The following ZNF536 variants were observed in gnomAD, a reference collection of about 807,000 sequenced individuals.
ZNF536 encodes zinc finger protein 536.
A neutral mutation model predicts 84.5 loss-of-function variants in ZNF536; 13 were observed. The observed-to-expected ratio is 0.15, with a 90% CI of 0.10 to 0.24. The LOEUF (loss-of-function observed/expected upper bound fraction) is 0.24. ZNF536 is among the 10% of genes least tolerant of loss of function. The pLI, the probability that ZNF536 is intolerant of heterozygous loss-of-function variation, is 1.00. For synonymous variants in ZNF536, 811 were observed against 742.5 expected, an observed-to-expected ratio of 1.09 and a Z score of -1.50; for missense variants, 1,536 against 1,747.5, an observed-to-expected ratio of 0.88 and a Z score of 2.16.
chr19:30,654,170 A>C (rs2147488815), intron 1 of ZNF536, among the ~76,000 whole-genome samples: 1 of 152,316 alleles, frequency 6.6e-6, no homozygotes, highest in East Asian at 1.9e-4. Flanking sequence ...ACCTGGCAGC[A>C]GGTGTGAGCC....
intron 1 of ZNF536, among the ~76,000 whole-genome samples, chr19:30,700,548 T>C (rs1568685228): frequency 6.6e-6 from 1 of 152,060 alleles, no homozygotes; most frequent in Admixed American, 6.6e-5. Context: ...CCACCATACC[T>C]GGCTCATTTT....
chr19:30,429,265 A>G (rs1049392063), intron 1 of ZNF536, among the ~76,000 whole-genome samples: 16 of 152,152 alleles, frequency 1.1e-4, no homozygotes, highest in African/African-American at 3.4e-4. Context: ...TGCTCTTGGC[A>G]CTTGGGAATG....
chr19:30,701,292 C>A (rs2147998207), intron 1 of ZNF536, among the ~76,000 whole-genome samples: 1 of 151,402 alleles, frequency 6.6e-6, no homozygotes, highest in South Asian at 2.1e-4. Flanking sequence ...CAAACACAAA[C>A]ACACATACAC....
chr19:30,374,128 C>A (rs1310299910), intron 1 of ZNF536, among the ~76,000 whole-genome samples: 1 of 152,094 alleles, frequency 6.6e-6, no homozygotes, highest in Non-Finnish European at 1.5e-5. Context: ...AATAATATTT[C>A]TGCTTAAATA....
intron 2 of ZNF536, among the ~76,000 whole-genome samples, chr19:30,513,610 T>C (rs182083128): frequency 1.3e-5 from 2 of 152,282 alleles, no homozygotes; most frequent in East Asian, 3.9e-4. Flanking sequence ...ACAAGGCATC[T>C]AATATCAGAA....
At chr19:30,480,576 G>A (rs557177274) in intron 2 of ZNF536, among the ~76,000 whole-genome samples, 23 of 152,164 alleles carry the variant, frequency 1.5e-4, no homozygotes, top group Middle Eastern at 3.4e-3. Context: ...GAGGGAGAGC[G>A]TTAGGACAAA....
At chr19:30,568,732 C>T (rs966976572) in intron 1 of ZNF536, among the ~76,000 whole-genome samples, 1 of 152,136 alleles carries the variant, frequency 6.6e-6, no homozygotes, top group African/African-American at 2.4e-5. Flanking sequence ...CTGGGGCAGC[C>T]GAGATGACAG....
At chr19:30,329,647 G>C (rs1262156491) in intron 2 of ZNF536, among the ~76,000 whole-genome samples, 3 of 152,180 alleles carry the variant, frequency 2.0e-5, no homozygotes, top group Non-Finnish European at 4.4e-5. Context: ...GGAAAGCCCA[G>C]GCGTGATACA....
At chr19:30,670,230 A>G (rs1448780544) in intron 1 of ZNF536, among the ~76,000 whole-genome samples, 1 of 152,114 alleles carries the variant, frequency 6.6e-6, no homozygotes, top group Non-Finnish European at 1.5e-5. Flanking sequence ...GCCCAGCCTC[A>G]GGCTTCCTCT....
intron 1 of ZNF536, among the ~76,000 whole-genome samples, chr19:30,608,145 G>C (rs1331143974): frequency 6.6e-6 from 1 of 152,128 alleles, no homozygotes; most frequent in South Asian, 2.1e-4. Context: ...GAATGGATTT[G>C]TTTGGAACAA....
At chr19:30,304,799 C>T (rs546579236) in intron 2 of ZNF536, among the ~76,000 whole-genome samples, 1 of 152,184 alleles carries the variant, frequency 6.6e-6, no homozygotes, top group African/African-American at 2.4e-5. Context: ...AGCCTGCAGG[C>T]TCTTAGCCGC....
chr19:30,605,158 G>A (rs1003708073), intron 1 of ZNF536, among the ~76,000 whole-genome samples: 2 of 152,162 alleles, frequency 1.3e-5, no homozygotes, highest in African/African-American at 2.4e-5. Context: ...AGTGGATGGT[G>A]CGAAATGCTT....
rs1228793956 is a variant in ZNF536, at chr19:30,647,434, T to C, written c.170-63323T>C. 5.9e-5 allele frequency among the ~76,000 whole-genome samples: 9 copies of C among 152,314 alleles called. No homozygotes were observed. The South Asian group carries it at 1.9e-3, about 32-fold the overall frequency. On this transcript the variant is annotated intron_variant, in intron 1 of 1. Coordinates refer to the ZNF536 transcript ENST00000592773. ...CTTCTTGCACAAATTCTAAGATGGTTCCCATCTGCTCCCGGAGTTATCAGT... is the reference window on the plus strand; with the variant it reads ...CTTCTTGCACAAATTCTAAGATGGTCCCCATCTGCTCCCGGAGTTATCAGT...
At chr19:30,402,745 C>A (rs1476203298) in intron 1 of ZNF536, among the ~76,000 whole-genome samples, 1 of 145,400 alleles carries the variant, frequency 6.9e-6, no homozygotes, top group Non-Finnish European at 1.5e-5. Context: ...CAGTGACTTA[C>A]TGTAAAAACA....
intron 1 of ZNF536, among the ~76,000 whole-genome samples, chr19:30,565,882 C>T (rs1240357738): frequency 1.3e-5 from 2 of 152,108 alleles, no homozygotes; most frequent in African/African-American, 4.8e-5. Flanking sequence ...GAGACACACA[C>T]CTCCAATGCC....
At chr19:30,558,560 G>A (rs951270366), downstream of ZNF536, among the ~76,000 whole-genome samples, 2 of 152,216 alleles carry the variant, frequency 1.3e-5, no homozygotes, top group African/African-American at 4.8e-5. Flanking sequence ...GCGGAGGTGG[G>A]AATCTTTATG....
intron 2 of ZNF536, among the ~76,000 whole-genome samples, chr19:30,306,845 T>C (rs559552931): frequency 6.6e-6 from 1 of 152,292 alleles, no homozygotes; most frequent in East Asian, 1.9e-4. Context: ...TAATAAAAGA[T>C]TTGTGAGCAA....
intron 1 of ZNF536, among the ~76,000 whole-genome samples, chr19:30,615,967 T>G (rs945396159): frequency 6.6e-6 from 1 of 152,208 alleles, no homozygotes; most frequent in South Asian, 2.1e-4. Context: ...TTCTCGATCA[T>G]GTTTTTCTAA....
At chr19:30,435,478 C>G (rs997357016) in intron 1 of ZNF536, among the ~76,000 whole-genome samples, 11 of 149,528 alleles carry the variant, frequency 7.4e-5, no homozygotes, top group African/African-American at 2.7e-4. Context: ...ACTGCTGCTG[C>G]TGCTGATGAT....
Sources: gnomAD v4.1 joint callset for allele counts (sites outside exome capture counted in the v4.1 genomes callset) on GRCh38, gnomAD v4.1.1 for gene constraint, MANE v1.5 for transcripts, NCBI Gene and HGNC (gene_info 2026-07-23, HGNC 2026-07-21) for gene names.